The following YY1 variants were observed in gnomAD, a reference collection of about 807,000 sequenced individuals.
YY1 encodes transcriptional repressor protein YY1.
YY1 carries 2 observed loss-of-function variants against 35.6 expected under a neutral mutation model. That is an observed-to-expected ratio of 0.06 (90% confidence interval 0.02 to 0.18). The LOEUF (loss-of-function observed/expected upper bound fraction) is 0.18. YY1 is among the 10% of genes least tolerant of loss of function. The pLI, the probability that YY1 is intolerant of heterozygous loss-of-function variation, is 1.00. For missense variants in YY1, 322 were observed against 573.4 expected, an observed-to-expected ratio of 0.56 and a Z score of 4.48; for synonymous variants, 268 against 238.9, an observed-to-expected ratio of 1.12 and a Z score of -1.12.
At position 100,239,713 on chromosome 14, in the gene YY1, G is replaced by A. The variant is rs754738960; in HGVS notation, c.469G>A (p.Gly157Ser). The A allele has an allele frequency of 8.1e-6, 13 of 1,600,466 alleles. No homozygotes were observed. Among genetic ancestry groups the A allele is most frequent in the African/African-American group, 5.4e-5 (4 of 74,280 alleles). The change falls in exon 1 of 5, where the codon GGC (glycine) becomes AGC (serine). Residue 157 changes from glycine to serine, a missense_variant. By Grantham distance (56) the Gly-to-Ser change is moderately conservative (BLOSUM62 0). Coordinates refer to ENST00000262238, the MANE Select transcript of YY1 (RefSeq NM_003403.5). Reference protein sequence around the residue: ...EQTLVTVAAAGKSGGGGSSSS... With the variant: ...EQTLVTVAAASKSGGGGSSSS... ...AACGCTGGTCACCGTGGCGGCGGCC[G>A]GCAAGAGCGGCGGCGGCGGCTCGTC... is the stretch of plus-strand genomic sequence containing the variant.
intron 1 of YY1, among the ~76,000 whole-genome samples, chr14:100,244,880 T>C (rs566576269): frequency 1.3e-5 from 2 of 151,666 alleles, no homozygotes; most frequent in African/African-American, 4.8e-5. Flanking sequence ...TCCTAAATTT[T>C]TAATTGTCAT....
chr14:100,268,293 C>T (rs1212532394), intron 2 of YY1, among the ~76,000 whole-genome samples: 1 of 152,186 alleles, frequency 6.6e-6, no homozygotes, highest in Non-Finnish European at 1.5e-5. Context: ...GTTACATACG[C>T]ACATGGGCAA....
At chr14:100,245,432 G>T (rs139787471) in intron 1 of YY1, among the ~76,000 whole-genome samples, 1 of 152,100 alleles carries the variant, frequency 6.6e-6, no homozygotes, top group East Asian at 1.9e-4. Context: ...CAGACACCCA[G>T]CTTCAACTAT....
chr14:100,240,673 C>G (rs1357183528), intron 1 of YY1, among the ~76,000 whole-genome samples: 2 of 152,236 alleles, frequency 1.3e-5, no homozygotes, highest in Non-Finnish European at 2.9e-5. Flanking sequence ...CTCCGAGCGT[C>G]AGTCGGAGCC....
intron 1 of YY1, among the ~76,000 whole-genome samples, chr14:100,245,798 G>C (rs1183969727): frequency 6.6e-6 from 1 of 151,828 alleles, no homozygotes; most frequent in Admixed American, 6.6e-5. Context: ...ATAGAGTCTG[G>C]GTTTCTCCAT....
In YY1 at chr14:100,276,217, T is replaced by C; in HGVS notation, c.904-273T>C. 2.2e-6 allele frequency: 1 copy of C among 449,968 alleles called. No individual in the cohort carries two copies. Among genetic ancestry groups the C allele is most frequent in the Non-Finnish European group, 4.1e-6 (1 of 244,754 alleles). 27.9% of individuals were successfully genotyped at this position (449,968 alleles called of 1,614,324 possible). ...GTTCTATTCCCAGTTTGGCTACTAC[T>C]AGTAGTGTGACCTTGGGCAAGTCTA... is the stretch of plus-strand genomic sequence containing the variant. On this transcript the variant is annotated intron_variant, in intron 3 of 4. Coordinates refer to ENST00000262238, the MANE Select transcript of YY1 (RefSeq NM_003403.5). The surrounding 1 kb of genome is among the most constrained non-coding windows in gnomAD (Gnocchi z 4.1).
At position 100,280,311 on chromosome 14, in the gene YY1, A is replaced by T. The variant is rs960678792; in HGVS notation, c.*2711A>T. On this transcript the variant is annotated 3_prime_UTR_variant, in exon 5 of 5. Transcript: ENST00000262238. ...TCTGATTTATAAGTAATACTGATAG[A>T]CATATTTTCGTACATCTGAGCAGAA... 6.6e-6 allele frequency: 1 copy of T among 152,226 alleles called. No homozygotes were observed. Among genetic ancestry groups the T allele is most frequent in the African/African-American group, 2.4e-5 (1 of 41,452 alleles). The allele number at this position is 152,226 out of a possible 1,614,324, so 9.4% of individuals were successfully genotyped here.
chr14:100,245,676 G>A (rs1456711289), intron 1 of YY1, among the ~76,000 whole-genome samples: 3 of 151,610 alleles, frequency 2.0e-5, no homozygotes, highest in Non-Finnish European at 1.5e-5. Context: ...GCGCGATCTC[G>A]GCTCACTGCA....
At chr14:100,246,741 C>T (rs981742551) in intron 1 of YY1, among the ~76,000 whole-genome samples, 4 of 152,172 alleles carry the variant, frequency 2.6e-5, no homozygotes, top group African/African-American at 9.7e-5. Context: ...GTTTGCCATT[C>T]CTCTGTGGGT....
intron 2 of YY1, among the ~76,000 whole-genome samples, chr14:100,272,851 C>T (rs902725082): frequency 5.3e-5 from 8 of 152,088 alleles, no homozygotes; most frequent in African/African-American, 1.9e-4. Context: ...TCACTTGTAT[C>T]CTCATAGCTT....
At chr14:100,259,189 A>G (rs780822343) in intron 1 of YY1, among the ~76,000 whole-genome samples, 15 of 152,212 alleles carry the variant, frequency 9.9e-5, no homozygotes, top group Non-Finnish European at 8.8e-5. Flanking sequence ...TAGGCATCAA[A>G]GGTAGAAGAA....
intron 1 of YY1, among the ~76,000 whole-genome samples, chr14:100,249,921 C>T (rs1468703674): frequency 2.6e-5 from 4 of 152,040 alleles, no homozygotes; most frequent in African/African-American, 9.7e-5. Flanking sequence ...CTGCAGGTGC[C>T]TGCCACCACA....
chr14:100,272,635 G>A (rs1243676825), intron 2 of YY1, among the ~76,000 whole-genome samples: 2 of 151,526 alleles, frequency 1.3e-5, no homozygotes, highest in East Asian at 1.9e-4. Context: ...TCACTTAGGT[G>A]GGCTTTTTTT....
chr14:100,276,789 T>G lies in YY1; in HGVS notation c.1062+141T>G. ...CCTTGGTGAGAAACAAAACTTCTCC[T>G]GGGGAGTCGCTTAGAAGGGTTGCCG... is the stretch of plus-strand genomic sequence containing the variant. On this transcript the variant is annotated intron_variant, in intron 4 of 4. Transcript: ENST00000262238. This position sits in a 1 kb window ranked among gnomAD's most constrained non-coding sequence, Gnocchi z 4.1. The G allele has an allele frequency of 1.5e-6, 2 of 1,300,306 alleles. No individual in the cohort carries two copies. The highest frequency in any genetic ancestry group is 2.5e-5 in the South Asian group (2 of 79,656). 80.5% of individuals were successfully genotyped at this position (1,300,306 alleles called of 1,614,324 possible).
At chr14:100,270,484 A>C (rs1353691835) in intron 2 of YY1, among the ~76,000 whole-genome samples, 4 of 129,006 alleles carry the variant, frequency 3.1e-5, no homozygotes, top group African/African-American at 1.2e-4. Flanking sequence ...ATAGCCAGGC[A>C]TGGTGGCACG....
intron 1 of YY1, among the ~76,000 whole-genome samples, chr14:100,244,043 G>C (rs369739513): frequency 5.9e-5 from 9 of 151,532 alleles, no homozygotes; most frequent in African/African-American, 2.2e-4. Flanking sequence ...GGGAGGCGGA[G>C]CTTGCCGTGA....
intron 1 of YY1, among the ~76,000 whole-genome samples, chr14:100,240,387 C>CCCCCGT: frequency 6.6e-6 from 1 of 150,610 alleles, no homozygotes; most frequent in Admixed American, 6.6e-5. Context: ...GGGACGCGCG[C>CCCCCGT]CCCCGCCCCC....
At chr14:100,241,336 C>T (rs1038297757) in intron 1 of YY1, among the ~76,000 whole-genome samples, 2 of 152,198 alleles carry the variant, frequency 1.3e-5, no homozygotes, top group South Asian at 4.1e-4. Flanking sequence ...ATTAAAAGAT[C>T]GTTAAAATTC....
At position 100,276,853 on chromosome 14, in the gene YY1, G is replaced by C. The variant is rs1346285621; in HGVS notation, c.1062+205G>C. On this transcript the variant is annotated intron_variant, in intron 4 of 4. Coordinates refer to ENST00000262238, the MANE Select transcript of YY1 (RefSeq NM_003403.5). The surrounding 1 kb of genome is among the most constrained non-coding windows in gnomAD (Gnocchi z 4.1). ...CCTTGTCTATACTCTGTGGTACTGGGTACGCAATGTATTGGTGTTGATGGA... is the reference window on the plus strand; with the variant it reads ...CCTTGTCTATACTCTGTGGTACTGGCTACGCAATGTATTGGTGTTGATGGA... 21 of 645,896 alleles carry C rather than the reference G, an allele frequency of 3.3e-5. No individual in the cohort carries two copies. The highest frequency in any genetic ancestry group is 8.0e-6 in the Non-Finnish European group (3 of 375,758). The allele number at this position is 645,896 out of a possible 1,614,324, so 40.0% of individuals were successfully genotyped here.
Sources: allele counts gnomAD v4.1 joint callset (sites outside exome capture counted in the v4.1 genomes callset), GRCh38; gene constraint gnomAD v4.1.1; non-coding constraint Gnocchi (gnomAD v3.1); transcripts MANE v1.5; gene names NCBI Gene and HGNC (gene_info 2026-07-23, HGNC 2026-07-21).